Variants in FAM131B observed in about 807,000 individuals in gnomAD.
The protein encoded by FAM131B is family with sequence similarity 131 member B, also known as protein FAM131B.
In FAM131B, 19 loss-of-function variants were observed where a neutral mutation model predicts 42.0. The observed-to-expected ratio is 0.45, with a 90% confidence interval of 0.32 to 0.66. FAM131B has a LOEUF of 0.66. Among genes scored for constraint, FAM131B ranks in the 30% least tolerant of loss-of-function variants. FAM131B has a pLI of 0.05. For synonymous variants in FAM131B, 183 were observed against 177.6 expected (o/e 1.03, Z -0.24); for missense variants, 370 against 468.4 (o/e 0.79, Z 1.94).
At chr7:143,363,124 G>A (rs1035043498), upstream of FAM131B, among the ~76,000 whole-genome samples, 1 of 149,062 alleles carries the variant, frequency 6.7e-6, no homozygotes, top group Non-Finnish European at 1.5e-5. Context: ...AGGCCCAAGG[G>A]CCTTTGGCCA....
At chr7:143,365,288 C>T (rs1804154915), upstream of FAM131B, among the ~76,000 whole-genome samples, 1 of 152,132 alleles carries the variant, frequency 6.6e-6, no homozygotes, top group Non-Finnish European at 1.5e-5. Flanking sequence ...CAGTGGGCTG[C>T]ATGTTTGGTG....
chr7:143,357,466 C>T, intron 5 of FAM131B, 43 bp from the exon 6 acceptor site: 1 of 1,576,382 alleles, frequency 6.3e-7, no homozygotes, highest in Non-Finnish European at 8.6e-7. Context: ...CTCAGGGAAT[C>T]CTTAGACATG....
the FAM131B span, chr7:143,382,202 A>T: frequency 1.3e-6 from 2 of 1,508,654 alleles, no homozygotes; most frequent in Non-Finnish European, 1.8e-6. Flanking sequence ...AGCTTGGGTG[A>T]GGGGTAGAGG....
At chr7:143,377,870 C>T in the FAM131B span, among the ~76,000 whole-genome samples, 4 of 152,096 alleles carry the variant, frequency 2.6e-5, no homozygotes, top group East Asian at 3.9e-4. Flanking sequence ...CGTGCCACCA[C>T]GCCCAGCTAA....
chr7:143,369,538 G>C, the FAM131B span, among the ~76,000 whole-genome samples: 1 of 152,048 alleles, frequency 6.6e-6, no homozygotes, highest in East Asian at 1.9e-4. Context: ...ACCCGGACAT[G>C]GTGGTGGGCA....
Position 143,362,127 on chromosome 7 carries a change from T to G in FAM131B, c.28+449A>C, listed in dbSNP as rs1554442036. The G allele has an allele frequency of 1.0e-5, 7 of 674,160 alleles. No homozygotes were observed. Among genetic ancestry groups the G allele is most frequent in the South Asian group, 6.8e-5 (1 of 14,782 alleles). The allele number at this position is 674,160 out of a possible 1,614,324, so 41.8% of individuals were successfully genotyped here. ...ATGGAGGCGGCGGCGGGGGGTGGCGTGGGGGGCGTGCGAAAGAAACTCGGG... is the reference window on the plus strand; with the variant it reads ...ATGGAGGCGGCGGCGGGGGGTGGCGGGGGGGGCGTGCGAAAGAAACTCGGG... On this transcript the variant is annotated intron_variant, in intron 1 of 6. Transcript: ENST00000443739. This position sits in a 1 kb window ranked among gnomAD's most constrained non-coding sequence, Gnocchi z 7.7.
At chr7:143,371,484 C>T in the FAM131B span, among the ~76,000 whole-genome samples, 3 of 151,724 alleles carry the variant, frequency 2.0e-5, no homozygotes, top group African/African-American at 7.3e-5. Flanking sequence ...CCTGGTGGCA[C>T]ATGCCTGTGG....
At chr7:143,374,320 G>A in the FAM131B span, among the ~76,000 whole-genome samples, 4 of 152,212 alleles carry the variant, frequency 2.6e-5, no homozygotes, top group Admixed American at 6.5e-5. Flanking sequence ...AGCTGGGATG[G>A]GCCTGTGATG....
At position 143,356,227 on chromosome 7, in the gene FAM131B, G is replaced by A. The variant is rs889471863; in HGVS notation, c.*323C>T. The A allele has an allele frequency of 2.0e-5, 7 of 344,974 alleles. No individual in the cohort carries two copies. The highest frequency in any genetic ancestry group is 1.2e-4 in the African/African-American group (6 of 48,468). 21.4% of individuals were successfully genotyped at this position (344,974 alleles called of 1,614,324 possible). A position where few individuals can be genotyped will look rare whatever the true frequency, so the allele number is the denominator to read the frequency against. ...GAGATCCAGTCTTGAGCACAGCTGC[G>A]CTGCCCCCGTCCTCAGGGTGCACAC... On this transcript the variant is annotated 3_prime_UTR_variant, in exon 7 of 7. Transcript: ENST00000443739. This position sits in a 1 kb window ranked among gnomAD's most constrained non-coding sequence, Gnocchi z 4.4.
the FAM131B span, chr7:143,381,579 C>A: frequency 1.2e-6 from 2 of 1,609,476 alleles, no homozygotes; most frequent in African/African-American, 1.3e-5. Context: ...GCCATGGCGG[C>A]CCCCCGCCCG....
At chr7:143,362,844 C>T (rs1586543926), upstream of FAM131B, 1 of 150,220 alleles carries the variant, frequency 6.7e-6, no homozygotes, top group South Asian at 1.8e-4. This position sits in a 1 kb window ranked among gnomAD's most constrained non-coding sequence, Gnocchi z 7.7. Context: ...GAGGGGGCGG[C>T]CCGGGGATTG....
chr7:143,365,823 GGTCTA>G (rs1804166958), upstream of FAM131B, among the ~76,000 whole-genome samples: 1 of 152,122 alleles, frequency 6.6e-6, no homozygotes, highest in South Asian at 2.1e-4. Flanking sequence ...TGTCCAGGCT[GGTCTA>G]GAACTCCTGG....
At chr7:143,380,979 AG>A in the FAM131B span, 6 of 276,328 alleles carry the variant, frequency 2.2e-5, no homozygotes, top group Non-Finnish European at 3.3e-5. The surrounding 1 kb of genome is among the most constrained non-coding windows in gnomAD (Gnocchi z 5.0). Context: ...CTAAGCCCGG[AG>A]GGGGACGGTG....
Position 143,356,316 on chromosome 7 carries a change from C to T in FAM131B, c.*234G>A, listed in dbSNP as rs1474645402. ...CCCAGGTCCTTCTCCACAGCCACAC[C>T]AAGCTCACGGCCATCTAGTTGCCCA... On this transcript the variant is annotated 3_prime_UTR_variant, in exon 7 of 7. Coordinates refer to ENST00000443739, the MANE Select transcript of FAM131B (RefSeq NM_001031690.3). This position sits in a 1 kb window ranked among gnomAD's most constrained non-coding sequence, Gnocchi z 4.4. 2 of 539,098 alleles carry T rather than the reference C, an allele frequency of 3.7e-6. No individual in the cohort carries two copies. The highest frequency in any genetic ancestry group is 3.2e-5 in the Admixed American group (1 of 31,556). 33.4% of individuals were successfully genotyped at this position (539,098 alleles called of 1,614,324 possible). A position where few individuals can be genotyped will look rare whatever the true frequency, so the allele number is the denominator to read the frequency against.
At chr7:143,372,751 T>C in the FAM131B span, among the ~76,000 whole-genome samples, 3 of 151,924 alleles carry the variant, frequency 2.0e-5, no homozygotes, top group South Asian at 6.2e-4. Flanking sequence ...CTGAGATCAG[T>C]AGTTCGAGAC....
the FAM131B span, among the ~76,000 whole-genome samples, chr7:143,370,703 A>C: frequency 6.6e-6 from 1 of 152,182 alleles, no homozygotes; most frequent in African/African-American, 2.4e-5. Context: ...TTTAGCATAT[A>C]ATTTAAAAAA....
chr7:143,367,189 G>A (rs1804199826), upstream of FAM131B, among the ~76,000 whole-genome samples: 1 of 152,224 alleles, frequency 6.6e-6, no homozygotes, highest in Non-Finnish European at 1.5e-5. Flanking sequence ...GAGGAAGGAT[G>A]GCTCAGCCAG....
chr7:143,362,653 G>A lies in FAM131B; in HGVS notation c.-50C>T, dbSNP rs1049170367. The A allele has an allele frequency of 4.4e-6, 5 of 1,129,318 alleles. No homozygotes were observed. The highest frequency in any genetic ancestry group is 8.8e-5 in the South Asian group (2 of 22,854). 70.0% of individuals were successfully genotyped at this position (1,129,318 alleles called of 1,614,324 possible). Reference sequence around the variant, plus strand: ...CCCTCACCGACTCGGGGCGCGCGCCGGGGGGAGCACCGGGAGCCGCGCCGC... The same window carrying A: ...CCCTCACCGACTCGGGGCGCGCGCCAGGGGGAGCACCGGGAGCCGCGCCGC... On this transcript the variant is annotated 5_prime_UTR_variant, in exon 1 of 7. Transcript: ENST00000443739. This position sits in a 1 kb window ranked among gnomAD's most constrained non-coding sequence, Gnocchi z 7.7.
chr7:143,381,397 G>T, the FAM131B span: 6 of 1,193,536 alleles, frequency 5.0e-6, no homozygotes, highest in Admixed American at 1.4e-4. Flanking sequence ...CGGCGCGCAC[G>T]CTCCGGCCTG....
Sources: gnomAD v4.1 joint callset for allele counts (sites outside exome capture counted in the v4.1 genomes callset) on GRCh38, gnomAD v4.1.1 for gene constraint, Gnocchi (gnomAD v3.1) non-coding constraint, MANE v1.5 for transcripts, NCBI Gene and HGNC (gene_info 2026-07-23, HGNC 2026-07-21) for gene names.